Variants in KCNH2 observed in about 807,000 individuals in gnomAD.
KCNH2 encodes the protein voltage-gated inwardly rectifying potassium channel KCNH2.
In KCNH2, 35 loss-of-function variants were observed where a neutral mutation model predicts 95.9. The ratio of observed to expected loss-of-function variants is 0.37; its 90% confidence interval spans 0.28 to 0.48. The LOEUF (loss-of-function observed/expected upper bound fraction) is 0.48. Ranked by LOEUF, KCNH2 falls within the 20% of genes least tolerant of loss-of-function variation. The pLI, the probability that KCNH2 is intolerant of heterozygous loss-of-function variation, is 0.99. For missense variants in KCNH2, 1,274 were observed against 1,702.9 expected (o/e 0.75, Z 4.43); for synonymous variants, 786 against 754.7 (o/e 1.04, Z -0.68).
chr7:150,949,913 CA>C lies in KCNH2; in HGVS notation c.2398+254del, dbSNP rs1563152223. 6.7e-7 allele frequency: 1 copy of C among 1,490,918 alleles called. No individual in the cohort carries two copies. Among genetic ancestry groups the C allele is most frequent in the South Asian group, 1.2e-5 (1 of 81,106 alleles). 92.4% of individuals were successfully genotyped at this position (1,490,918 alleles called of 1,614,324 possible). On this transcript the variant is annotated intron_variant, in intron 9 of 14. Coordinates refer to ENST00000262186, the MANE Select transcript of KCNH2 (RefSeq NM_000238.4). Reference sequence around the variant, plus strand: ...TAGATTTGATCCTACTTTAAGGAAGCAAAAAGTGTCTGTTTGTGGCGGATCC... The same window carrying C: ...TAGATTTGATCCTACTTTAAGGAAGCAAAAGTGTCTGTTTGTGGCGGATCC...
intron 4 of KCNH2, among the ~76,000 whole-genome samples, 176 bp from the exon 5 acceptor site, chr7:150,957,678 G>A (rs1411213646): frequency 1.3e-5 from 2 of 152,234 alleles, no homozygotes; most frequent in African/African-American, 4.8e-5. Flanking sequence ...CCACTCTAAG[G>A]AAGCAGCCAG....
In KCNH2 at chr7:150,947,473, C is replaced by A. The variant is rs794728402; in HGVS notation, c.3007G>T (p.Asp1003Tyr). The A allele has an allele frequency of 6.3e-7, 1 of 1,577,236 alleles. No homozygotes were observed. The highest frequency in any genetic ancestry group is 2.3e-5 in the East Asian group (1 of 43,364). The change falls in exon 13 of 15, where the codon GAC (aspartate) becomes TAC (tyrosine). Residue 1003 changes from aspartate (D) to tyrosine (Y), a missense_variant. Asp to Tyr is a radical substitution (Grantham distance 160). This residue lies in a region of KCNH2 where 457 missense variants were observed against 416.1 expected (regional missense o/e 1.10). Transcript: ENST00000262186. ...GVSNIFSFWG[D>Y]SRGRQYQELP... ...TCCTGGTACTGGCGGCCCCGACTGT[C>A]CCCCCAGAAGCTGAAAATGTTGGAC...
chr7:150,974,934 C>T lies in KCNH2; in HGVS notation c.84G>A (p.Lys28=). 5.6e-6 allele frequency: 9 copies of T among 1,603,126 alleles called. No individual in the cohort carries two copies. Among genetic ancestry groups the T allele is most frequent in the Non-Finnish European group, 7.7e-6 (9 of 1,176,376 alleles). ...CCACCCGAGCGTTGGCGATGATGAA[C>T]TTACGGCCTAGGGGGGCGGGGAGGA... ...IIRKFEGQSR[K]FIIANARVEN... Residue 28 remains lysine, a synonymous_variant, in exon 2 of 15, where the codon AAG becomes AAA. Coordinates refer to ENST00000262186, the MANE Select transcript of KCNH2 (RefSeq NM_000238.4).
chr7:150,969,300 C>T (rs879584248), intron 2 of KCNH2, among the ~76,000 whole-genome samples: 5 of 152,160 alleles, frequency 3.3e-5, no homozygotes, highest in Non-Finnish European at 7.4e-5. Flanking sequence ...GGACCACCTG[C>T]GGTAAAGCAT....
At position 150,948,884 on chromosome 7, in the gene KCNH2, C is replaced by T. The variant is rs2116940209; in HGVS notation, c.2564G>A (p.Ser855Asn). The T allele has an allele frequency of 6.2e-7, 1 of 1,614,214 alleles. No individual in the cohort carries two copies. The highest frequency in any genetic ancestry group is 8.5e-7 in the Non-Finnish European group (1 of 1,180,034). ...YPEFSDHFWSSLEITFNLRDT... is the reference protein window; with the variant it reads ...YPEFSDHFWSNLEITFNLRDT... Reference sequence around the variant, plus strand: ...TCGCAGGTTGAAGGTGATCTCCAGGCTGGACCAGAAGTGGTCGGAGAACTC... The same window carrying T: ...TCGCAGGTTGAAGGTGATCTCCAGGTTGGACCAGAAGTGGTCGGAGAACTC... Residue 855 changes from serine (S) to asparagine (N), a missense_variant, in exon 10 of 15, where the codon AGC becomes AAC. Ser to Asn is a conservative substitution (Grantham distance 46, BLOSUM62 1). Coordinates refer to ENST00000262186, the MANE Select transcript of KCNH2 (RefSeq NM_000238.4).
chr7:150,948,757 CTG>C, intron 10 of KCNH2, 97 bp downstream of exon 10: 1 of 1,225,090 alleles, frequency 8.2e-7, no homozygotes, highest in Non-Finnish European at 1.2e-6. Context: ...GACAGGGAAA[CTG>C]AGACAGAGAA....
chr7:150,950,853 AGAG>A lies in KCNH2; in HGVS notation c.2145+65_2145+67del. 4 of 1,505,850 alleles carry A rather than the reference AGAG, an allele frequency of 2.7e-6. No homozygotes were observed. The Admixed American group carries it at 6.7e-5, about 25-fold the overall frequency. 93.3% of individuals were successfully genotyped at this position (1,505,850 alleles called of 1,614,324 possible). A position where few individuals can be genotyped will look rare whatever the true frequency, so the allele number is the denominator to read the frequency against. On this transcript the variant is annotated intron_variant, in intron 8 of 14. Coordinates refer to ENST00000262186, the MANE Select transcript of KCNH2 (RefSeq NM_000238.4). ...CGCCTGAGACTTGTTTGCTGTGCCA[AGAG>A]GTTCCCCTCTGCCACCCCACTCTTC...
intron 2 of KCNH2, among the ~76,000 whole-genome samples, chr7:150,964,117 G>C (rs1801640866): frequency 6.6e-6 from 1 of 152,198 alleles, no homozygotes; most frequent in Admixed American, 6.5e-5. Context: ...GCTGTGGCAG[G>C]GGCAGGCCTT....
rs752354851 is a variant in KCNH2 at position 150,947,531 on chromosome 7, G to A, written c.2966-17C>T. ...AGAAGGCGCCTGCAGCCAGAGAGCA[G>A]AGCTGGGTGAGCGGGGTAGACGCAC... On this transcript the variant is annotated splice_polypyrimidine_tract_variant and intron_variant, in intron 12 of 14. Coordinates refer to ENST00000262186, the MANE Select transcript of KCNH2 (RefSeq NM_000238.4). 3 of 1,599,194 alleles carry A rather than the reference G, an allele frequency of 1.9e-6. No homozygotes were observed. The highest frequency in any genetic ancestry group is 2.6e-6 in the Non-Finnish European group (3 of 1,173,626).
intron 5 of KCNH2, among the ~76,000 whole-genome samples, chr7:150,956,895 C>T (rs1801393289): frequency 6.6e-6 from 1 of 152,116 alleles, no homozygotes; most frequent in Non-Finnish European, 1.5e-5. Context: ...GTTGGCTTGG[C>T]CCCTAGTACT....
intron 2 of KCNH2, 83 bp downstream of exon 2, chr7:150,974,627 AC>A: frequency 2.9e-6 from 1 of 346,192 alleles, no homozygotes. Context: ...ACACCCCCAC[AC>A]CCCCACGCAC....
rs755065620 is a variant in KCNH2 at position 150,946,904 on chromosome 7, G to A, written c.3303C>T (p.Pro1101=). The A allele has an allele frequency of 1.3e-6, 2 of 1,599,258 alleles. No homozygotes were observed. Among genetic ancestry groups the A allele is most frequent in the South Asian group, 1.1e-5 (1 of 89,528 alleles). Residue 1101 remains proline (P), a synonymous_variant, in exon 14 of 15, where the codon CCC becomes CCT. Transcript: ENST00000262186. The surrounding 1 kb of genome is among the most constrained non-coding windows in gnomAD (Gnocchi z 6.5). ...GAGAAAGCGAGTCCAAGGTGAGGGTGGGGAGGGGGCTGACGGGCAACAGCG... is the reference window on the plus strand; with the variant it reads ...GAGAAAGCGAGTCCAAGGTGAGGGTAGGGAGGGGGCTGACGGGCAACAGCG... ...TSPLLPVSPL[P]TLTLDSLSQV...
chr7:150,961,125 T>C lies in KCNH2; in HGVS notation c.308-1389A>G, dbSNP rs1481506078. The stretch of plus-strand genomic sequence containing the variant: ...CTCAGCTGTCTTCTCTGCCTCCCAG[T>C]GTCTCCCGTCCCCACGTTAGTGCCT... On this transcript the variant is annotated intron_variant, in intron 2 of 14. Coordinates refer to ENST00000262186, the MANE Select transcript of KCNH2 (RefSeq NM_000238.4). This position sits in a 1 kb window ranked among gnomAD's most constrained non-coding sequence, Gnocchi z 6.2. Among the ~76,000 whole-genome samples, 3 of 152,072 alleles carry C rather than the reference T, an allele frequency of 2.0e-5. No individual in the cohort carries two copies. The highest frequency in any genetic ancestry group is 4.4e-5 in the Non-Finnish European group (3 of 68,014).
chr7:150,969,317 C>T (rs1460670339), intron 2 of KCNH2, among the ~76,000 whole-genome samples: 1 of 152,132 alleles, frequency 6.6e-6, no homozygotes, highest in Non-Finnish European at 1.5e-5. Flanking sequence ...GCATGGTTCC[C>T]CAGTTTGCAA....
chr7:150,947,772 A>G lies in KCNH2; in HGVS notation c.2799T>C (p.Ser933=). The G allele has an allele frequency of 6.5e-7, 1 of 1,538,642 alleles. No individual in the cohort carries two copies. The highest frequency in any genetic ancestry group is 1.2e-5 in the South Asian group (1 of 83,998). Residue 933 remains serine, a synonymous_variant, in exon 12 of 15, where the codon AGT becomes AGC. Coordinates refer to ENST00000262186, the MANE Select transcript of KCNH2 (RefSeq NM_000238.4). The part of the protein sequence containing the change: ...PGGPWGESPS[S]GPSSPESSED... Reference sequence around the variant, plus strand: ...CACTGCTCTCAGGGCTGGAGGGGCCACTGGACGGGCTCTCCCCCCACGGCC... The same window carrying G: ...CACTGCTCTCAGGGCTGGAGGGGCCGCTGGACGGGCTCTCCCCCCACGGCC...
At chr7:150,957,655 T>C (rs2117000226) in intron 4 of KCNH2, among the ~76,000 whole-genome samples, 153 bp from the exon 5 acceptor site, 1 of 151,980 alleles carries the variant, frequency 6.6e-6, no homozygotes, top group African/African-American at 2.4e-5. Flanking sequence ...ACAAGAGAGG[T>C]CAGACCCCTG....
Position 150,948,843 on chromosome 7 carries a change from G to A in KCNH2, c.2592+13C>T. On this transcript the variant is annotated intron_variant, in intron 10 of 14. Transcript: ENST00000262186. The stretch of plus-strand genomic sequence containing the variant: ...GCAGGAGGATGGGGTCCAGCTCAGG[G>A]CAGCCAACTCACATCTCGCAGGTTG... 6.2e-7 allele frequency: 1 copy of A among 1,613,552 alleles called. No individual in the cohort carries two copies. Among genetic ancestry groups the A allele is most frequent in the Middle Eastern group, 1.6e-4 (1 of 6,062 alleles).
In KCNH2 at chr7:150,957,395, C is replaced by A; in HGVS notation, c.1024G>T (p.Asp342Tyr). 1 of 1,614,196 alleles carries A rather than the reference C, an allele frequency of 6.2e-7. No individual in the cohort carries two copies. Among genetic ancestry groups the A allele is most frequent in the Non-Finnish European group, 8.5e-7 (1 of 1,180,014 alleles). ...KIPQITLNFVDLKGDPFLASP... is the reference protein window; with the variant it reads ...KIPQITLNFVYLKGDPFLASP... ...GCCAAGAAGGGGTCGCCCTTGAGGT[C>A]CACAAAGTTGAGGGTGATTTGGGGA... Residue 342 changes from aspartate (D) to tyrosine (Y), a missense_variant, in exon 5 of 15, where the codon GAC becomes TAC. Asp to Tyr is a radical substitution (Grantham distance 160). This residue lies in a region of KCNH2 where 392 missense variants were observed against 429.9 expected (regional missense o/e 0.91). Transcript: ENST00000262186.
In KCNH2 at chr7:150,950,385, G is replaced by A. The variant is rs779316852; in HGVS notation, c.2181C>T (p.Asp727=). Residue 727 remains aspartate, a synonymous_variant, in exon 9 of 15, where the codon GAC becomes GAT. Transcript: ENST00000262186. ...LKGFPECLQA[D]ICLHLNRSLL... is the part of the protein sequence containing the mutation. ...GTGAGCGGTTCAGGTGCAGGCAGAT[G>A]TCAGCCTGCAGGCACTCAGGGAAGC... The A allele has an allele frequency of 9.9e-6, 16 of 1,612,104 alleles. No individual in the cohort carries two copies. In the South Asian group the frequency reaches 1.6e-4, roughly 17 times the overall value.
Sources: gnomAD v4.1 joint callset for allele counts (sites outside exome capture counted in the v4.1 genomes callset) on GRCh38, gnomAD v4.1.1 for gene constraint, gnomAD v4.1.1 regional missense constraint, Gnocchi (gnomAD v3.1) non-coding constraint, MANE v1.5 for transcripts, NCBI Gene and HGNC (gene_info 2026-07-23, HGNC 2026-07-21) for gene names.